Variants in SFI1 observed in about 807,000 individuals in gnomAD.
SFI1 encodes the protein protein SFI1 homolog.
In SFI1, 195 loss-of-function variants were observed where a neutral mutation model predicts 207.5. The observed-to-expected ratio is 0.94, with a 90% CI of 0.84 to 1.06. The LOEUF (loss-of-function observed/expected upper bound fraction) is 1.06, where lower values mean the gene tolerates loss of function less well. Among genes scored for constraint, SFI1 ranks in the 50% least tolerant of loss-of-function variants. SFI1 has a pLI of 0.00. For synonymous variants in SFI1, 630 were observed against 598.9 expected, an observed-to-expected ratio of 1.05 and a Z score of -0.76; for missense variants, 1,634 against 1,588.0, an observed-to-expected ratio of 1.03 and a Z score of -0.49.
chr22:31,552,904 G>A (rs5753687), intron 6 of SFI1, among the ~76,000 whole-genome samples: 27,335 of 151,906 alleles, frequency 0.18, 2,606 homozygotes, highest in East Asian at 0.38. Context: ...GAGTGCAGTG[G>A]CTTGGTCATA....
chr22:31,582,224 ATATATATATATATTTTTTTTT>A (rs1569377131), intron 12 of SFI1, among the ~76,000 whole-genome samples: 4 of 33,868 alleles, frequency 1.2e-4, no homozygotes, highest in African/African-American at 4.4e-4. Flanking sequence ...ATATATATAT[ATATATATATATATTTTTTTTT>A]TTTTTTTTTT....
At chr22:31,572,280 G>A (rs541669063) in intron 8 of SFI1, among the ~76,000 whole-genome samples, 2 of 152,150 alleles carry the variant, frequency 1.3e-5, no homozygotes, top group African/African-American at 2.4e-5. Context: ...TGTCTAAGTC[G>A]TCTTCAGATT....
chr22:31,615,711 G>C (rs2071311842), intron 29 of SFI1: 1 of 163,028 alleles, frequency 6.1e-6, no homozygotes. Flanking sequence ...GGTGGCCTGG[G>C]CTCAGCGGTT....
At chr22:31,598,565 G>A (rs368204354) in intron 15 of SFI1, among the ~76,000 whole-genome samples, 2 of 150,526 alleles carry the variant, frequency 1.3e-5, no homozygotes, top group East Asian at 2.0e-4. Flanking sequence ...GACTACAGAC[G>A]CCTGCCACCA....
At chr22:31,589,134 A>G (rs955879240) in intron 14 of SFI1, among the ~76,000 whole-genome samples, 3 of 152,208 alleles carry the variant, frequency 2.0e-5, no homozygotes, top group Non-Finnish European at 4.4e-5. Context: ...ATGCTAACAG[A>G]CAGTGAAACA....
chr22:31,560,371 TCTC>T (rs2061567116), intron 7 of SFI1, among the ~76,000 whole-genome samples: 1 of 151,130 alleles, frequency 6.6e-6, no homozygotes, highest in Non-Finnish European at 1.5e-5. Flanking sequence ...TTTTGTGAAA[TCTC>T]CTGATTTTCA....
chr22:31,594,430 C>T (rs1259068559), intron 15 of SFI1, among the ~76,000 whole-genome samples: 2 of 151,630 alleles, frequency 1.3e-5, no homozygotes, highest in African/African-American at 4.8e-5. Context: ...TGCCTGTAAT[C>T]CCAGCTACTC....
rs1603363404 is a variant in SFI1 at position 31,613,849 on chromosome 22, T to C, written c.2990T>C (p.Leu997Pro). 6.2e-7 allele frequency: 1 copy of C among 1,601,388 alleles called. No individual in the cohort carries two copies. Among genetic ancestry groups the C allele is most frequent in the Non-Finnish European group, 8.5e-7 (1 of 1,173,934 alleles). Residue 997 changes from leucine to proline, a missense_variant, in exon 27 of 33, where the codon CTG (leucine) becomes CCG (proline). Leu to Pro is a moderately conservative substitution (Grantham distance 98). Transcript: ENST00000400288. ...CTGGCTGCTGAGGAGCCCCACGCCC[T>C]GGAGCTGTGAGTAGCCTGTGCTCAC... is the stretch of plus-strand genomic sequence containing the variant. ...GRLAAEEPHA[L>P]ELNTAHSARK...
At chr22:31,509,074 G>GT (rs1348961739) in intron 2 of SFI1, among the ~76,000 whole-genome samples, 1 of 152,010 alleles carries the variant, frequency 6.6e-6, no homozygotes, top group African/African-American at 2.4e-5. Context: ...CTATTAATAG[G>GT]TGTATTACAT....
intron 12 of SFI1, among the ~76,000 whole-genome samples, chr22:31,581,249 G>A (rs766939533): frequency 6.6e-5 from 10 of 151,152 alleles, no homozygotes; most frequent in Non-Finnish European, 1.3e-4. Flanking sequence ...AAAGTGCTGG[G>A]ATTACAGGTG....
At position 31,617,083 on chromosome 22, in the gene SFI1, G is replaced by A. The variant is rs2071680836; in HGVS notation, c.3512+5G>A. ...GACCACCAAGCAGAACCTCTGGTGA[G>A]CCCTGCGAAACGCCCTGCAGCCCTG... On this transcript the variant is annotated splice_donor_5th_base_variant and intron_variant, in intron 31 of 32. Coordinates refer to ENST00000400288, the MANE Select transcript of SFI1 (RefSeq NM_001007467.3). 1.9e-6 allele frequency: 3 copies of A among 1,613,884 alleles called. No homozygotes were observed. The highest frequency in any genetic ancestry group is 1.3e-5 in the African/African-American group (1 of 75,046).
chr22:31,561,254 A>G, intron 7 of SFI1, 36 bp from the exon 8 acceptor site: 1 of 1,597,332 alleles, frequency 6.3e-7, no homozygotes, highest in Non-Finnish European at 8.6e-7. Context: ...GTGGCTTTTT[A>G]CTGATGGATT....
Position 31,535,047 on chromosome 22 carries a change from A to C in SFI1, c.338+3918A>C, listed in dbSNP as rs141870430. Among the ~76,000 whole-genome samples the C allele has an allele frequency of 6.3e-3, 957 of 151,936 alleles. 13 individuals carry two copies. The highest frequency in any genetic ancestry group is 0.022 in the African/African-American group (903 of 41,444). On this transcript the variant is annotated intron_variant, in intron 4 of 32. Coordinates refer to ENST00000400288, the MANE Select transcript of SFI1 (RefSeq NM_001007467.3). Reference sequence around the variant, plus strand: ...ACACCCAGCTAACTTTTTTATTTTTAGTAGAGACAGGGTTTCACCTTGTTG... The same window carrying C: ...ACACCCAGCTAACTTTTTTATTTTTCGTAGAGACAGGGTTTCACCTTGTTG...
chr22:31,499,786 C>T (rs919544418), intron 1 of SFI1, among the ~76,000 whole-genome samples: 10 of 151,168 alleles, frequency 6.6e-5, no homozygotes, highest in Non-Finnish European at 4.4e-5. Flanking sequence ...GTCAGGAGTT[C>T]GAGACCAGTC....
chr22:31,517,306 T>C (rs1415750707), intron 2 of SFI1, among the ~76,000 whole-genome samples: 2 of 152,102 alleles, frequency 1.3e-5, no homozygotes, highest in African/African-American at 2.4e-5. Context: ...TGGATTGCAG[T>C]GGCACAATCA....
At chr22:31,555,384 G>C (rs2061068150) in intron 6 of SFI1, among the ~76,000 whole-genome samples, 1 of 152,138 alleles carries the variant, frequency 6.6e-6, no homozygotes, top group African/African-American at 2.4e-5. Flanking sequence ...AGCTACTCAA[G>C]AGGCAAGAGT....
At position 31,589,505 on chromosome 22, in the gene SFI1, A is replaced by G. The variant is rs2065531007; in HGVS notation, c.1472A>G (p.His491Arg). ...FQQRALPAAF[H>R]TWNRLWRWRH... Reference sequence around the variant, plus strand: ...CAGAGAGCCCTGCCTGCTGCCTTCCACACATGGAACAGACTCTGGCGATGG... The same window carrying G: ...CAGAGAGCCCTGCCTGCTGCCTTCCGCACATGGAACAGACTCTGGCGATGG... Residue 491 changes from histidine to arginine, a missense_variant, in exon 15 of 33, where the codon CAC (histidine) becomes CGC (arginine). His to Arg is a conservative substitution (Grantham distance 29). Coordinates refer to ENST00000400288, the MANE Select transcript of SFI1 (RefSeq NM_001007467.3). The G allele has an allele frequency of 6.2e-7, 1 of 1,613,852 alleles. No individual in the cohort carries two copies. The highest frequency in any genetic ancestry group is 1.3e-5 in the African/African-American group (1 of 74,882).
chr22:31,601,010 G>A (rs2068007436), intron 15 of SFI1, among the ~76,000 whole-genome samples: 1 of 152,168 alleles, frequency 6.6e-6, no homozygotes, highest in African/African-American at 2.4e-5. Flanking sequence ...AGCCCCTAGT[G>A]GCTGTTGGTC....
chr22:31,527,610 C>G (rs2058055297), intron 2 of SFI1, among the ~76,000 whole-genome samples: 1 of 151,988 alleles, frequency 6.6e-6, no homozygotes, highest in East Asian at 1.9e-4. Context: ...GTATATTAAA[C>G]TTTGTGTGTG....
Sources: allele counts gnomAD v4.1 joint callset (sites outside exome capture counted in the v4.1 genomes callset), GRCh38; gene constraint gnomAD v4.1.1; transcripts MANE v1.5; gene names NCBI Gene and HGNC (gene_info 2026-07-23, HGNC 2026-07-21).